Variants in LIPI observed in about 807,000 individuals in gnomAD.
LIPI encodes the protein lipase I.
In LIPI, 59 loss-of-function variants were observed where a neutral mutation model predicts 50.6. That is an observed-to-expected ratio of 1.16 (90% CI 0.94 to 1.45). The LOEUF (loss-of-function observed/expected upper bound fraction) is 1.45, where lower values mean the gene tolerates loss of function less well. Among genes scored for constraint, LIPI ranks in the 40% most tolerant of loss-of-function variants. The probability of loss-of-function intolerance (pLI) is 0.00; values close to 1 mark genes in which losing one functional copy is unlikely to be tolerated. For synonymous variants in LIPI, 203 were observed against 178.2 expected (o/e 1.14, Z -1.11); for missense variants, 586 against 536.3 (o/e 1.09, Z -0.92).
intron 1 of LIPI, among the ~76,000 whole-genome samples, chr21:14,191,274 G>A (rs1024680394): frequency 1.3e-5 from 2 of 150,482 alleles, no homozygotes; most frequent in African/African-American, 4.9e-5. Context: ...CTACTTGGGA[G>A]GCTGAGGCAG....
chr21:14,126,850 G>A (rs942948089), intron 9 of LIPI, among the ~76,000 whole-genome samples: 1 of 152,124 alleles, frequency 6.6e-6, no homozygotes, highest in Non-Finnish European at 1.5e-5. Flanking sequence ...GTTGCCAGCA[G>A]GTGGACTTGA....
intron 9 of LIPI, among the ~76,000 whole-genome samples, chr21:14,123,092 A>G (rs551192882): frequency 6.6e-6 from 1 of 152,228 alleles, no homozygotes; most frequent in African/African-American, 2.4e-5. Flanking sequence ...TAATGCCACA[A>G]GATAACTTCA....
At chr21:14,184,898 T>C (rs898205024) in intron 3 of LIPI, among the ~76,000 whole-genome samples, 3 of 152,210 alleles carry the variant, frequency 2.0e-5, no homozygotes, top group African/African-American at 7.2e-5. Context: ...TCAGAGTAAG[T>C]AAGGGTATGC....
chr21:14,112,772 CT>C (rs1191869851), intron 9 of LIPI, among the ~76,000 whole-genome samples: 7 of 152,086 alleles, frequency 4.6e-5, no homozygotes, highest in African/African-American at 1.7e-4. Flanking sequence ...TATTATGAAT[CT>C]TTTCATAAAT....
chr21:14,165,536 C>A (rs919480823), intron 5 of LIPI, 146 bp from the exon 6 acceptor site: 27 of 616,122 alleles, frequency 4.4e-5, no homozygotes, highest in Non-Finnish European at 6.8e-5. Context: ...TATGTCAAAC[C>A]ACTAAACAAA....
At chr21:14,161,046 A>T (rs1379222913) in intron 7 of LIPI, among the ~76,000 whole-genome samples, 1 of 151,280 alleles carries the variant, frequency 6.6e-6, no homozygotes, top group African/African-American at 2.4e-5. Context: ...TGGTACAGTC[A>T]CTCCAAAAAA....
chr21:14,205,237 C>T (rs2020192268), intron 1 of LIPI, among the ~76,000 whole-genome samples: 1 of 151,762 alleles, frequency 6.6e-6, no homozygotes, highest in Admixed American at 6.6e-5. Context: ...TATATTGCAA[C>T]ATTTCAATAC....
intron 9 of LIPI, among the ~76,000 whole-genome samples, chr21:14,143,214 C>T (rs187249764): frequency 9.2e-4 from 140 of 152,180 alleles, no homozygotes; most frequent in Middle Eastern, 3.4e-3. Context: ...GAAAATCTTA[C>T]AGCTCTAGTC....
chr21:14,120,274 G>T (rs939253334), intron 9 of LIPI, among the ~76,000 whole-genome samples: 1 of 152,194 alleles, frequency 6.6e-6, no homozygotes, highest in African/African-American at 2.4e-5. Context: ...GGTGGCCAAG[G>T]CCCGCCCCCT....
At chr21:14,203,234 T>G (rs1341268115) in intron 1 of LIPI, among the ~76,000 whole-genome samples, 1 of 151,982 alleles carries the variant, frequency 6.6e-6, no homozygotes, top group Non-Finnish European at 1.5e-5. Flanking sequence ...ACACTGTTGG[T>G]GGGACTGTAA....
intron 2 of LIPI, among the ~76,000 whole-genome samples, chr21:14,186,786 C>T (rs1292814041): frequency 2.6e-5 from 4 of 152,206 alleles, no homozygotes; most frequent in Admixed American, 2.6e-4. Context: ...TCTCCTTCTA[C>T]TCTTCCACCA....
At chr21:14,128,390 T>C (rs2122981616) in intron 9 of LIPI, among the ~76,000 whole-genome samples, 1 of 152,190 alleles carries the variant, frequency 6.6e-6, no homozygotes, top group Middle Eastern at 3.4e-3. Flanking sequence ...CCAAGAAAGA[T>C]TTTAGTTTCA....
chr21:14,164,973 C>T (rs2018624312), intron 6 of LIPI, among the ~76,000 whole-genome samples: 1 of 152,130 alleles, frequency 6.6e-6, no homozygotes, highest in South Asian at 2.1e-4. Flanking sequence ...ATTATAAAGC[C>T]ATCTAATCTG....
chr21:14,160,109 G>C (rs1286658621), intron 7 of LIPI, among the ~76,000 whole-genome samples: 3 of 151,138 alleles, frequency 2.0e-5, no homozygotes, highest in African/African-American at 7.3e-5. Context: ...ACAAATTTTT[G>C]CAAATATAGA....
At chr21:14,143,185 C>T (rs573932914) in intron 9 of LIPI, among the ~76,000 whole-genome samples, 2 of 152,196 alleles carry the variant, frequency 1.3e-5, no homozygotes, top group Non-Finnish European at 2.9e-5. Flanking sequence ...ATAACAGATA[C>T]AGAGATTAGT....
intron 4 of LIPI, 121 bp downstream of exon 4, chr21:14,181,636 TA>T (rs2019272765): frequency 1.5e-6 from 1 of 660,048 alleles, no homozygotes; most frequent in African/African-American, 1.8e-5. Context: ...TATCATTCTA[TA>T]ATTACAGATT....
chr21:14,169,231 C>A (rs1600890978), intron 4 of LIPI, among the ~76,000 whole-genome samples: 1 of 152,102 alleles, frequency 6.6e-6, no homozygotes, highest in East Asian at 1.9e-4. Context: ...GAGTGACCTA[C>A]AAAGAGACTT....
chr21:14,113,989 C>A (rs1225997120), intron 9 of LIPI, among the ~76,000 whole-genome samples: 1 of 152,076 alleles, frequency 6.6e-6, no homozygotes, highest in Non-Finnish European at 1.5e-5. Flanking sequence ...AGATTGAGAC[C>A]ATCCTGGCTA....
intron 1 of LIPI, among the ~76,000 whole-genome samples, chr21:14,198,534 T>C (rs2403760): frequency 0.29 from 44,126 of 151,910 alleles, 6,625 homozygotes; most frequent in Middle Eastern, 0.36. Flanking sequence ...CATTACATAA[T>C]GGTAAAGGGT....
Sources: allele counts gnomAD v4.1 joint callset (sites outside exome capture counted in the v4.1 genomes callset), GRCh38; gene constraint gnomAD v4.1.1; transcripts MANE v1.5; gene names NCBI Gene and HGNC (gene_info 2026-07-23, HGNC 2026-07-21).